NCK2: variants seen among roughly 807,000 people sequenced by gnomAD.
NCK2 encodes the protein cytoplasmic protein NCK2.
NCK2 carries 16 observed loss-of-function variants against 33.9 expected under a neutral mutation model. The observed-to-expected ratio is 0.47, with a 90% CI of 0.32 to 0.72. The LOEUF is 0.72. NCK2 is among the 30% of genes least tolerant of loss of function. The probability of loss-of-function intolerance (pLI) is 0.03; values close to 1 mark genes in which losing one functional copy is unlikely to be tolerated. For synonymous variants in NCK2, 273 were observed against 239.9 expected, an observed-to-expected ratio of 1.14 and a Z score of -1.27; for missense variants, 418 against 537.3, an observed-to-expected ratio of 0.78 and a Z score of 2.19.
In NCK2 at chr2:105,881,731, C is replaced by G. The variant is rs781387075; in HGVS notation, c.630C>G (p.Thr210=). 1 of 1,614,202 alleles carries G rather than the reference C, an allele frequency of 6.2e-7. No individual in the cohort carries two copies. Among genetic ancestry groups the G allele is most frequent in the East Asian group, 2.2e-5 (1 of 44,874 alleles). Residue 210 remains threonine, a synonymous_variant, in exon 4 of 5, where the codon ACC becomes ACG. Transcript: ENST00000233154. ...CGCTGTACCCCTTCAGCTCAGTCAC[C>G]GAGGAGGAGCTCAACTTCGAGAAGG... The part of the protein sequence containing the change: ...VQTLYPFSSV[T]EEELNFEKGE...
At chr2:105,759,206 A>T (rs908749972) in intron 1 of NCK2, among the ~76,000 whole-genome samples, 2 of 152,202 alleles carry the variant, frequency 1.3e-5, no homozygotes, top group Non-Finnish European at 2.9e-5. Flanking sequence ...ATTTGGTCTT[A>T]TTCAAGGGAG....
intron 1 of NCK2, among the ~76,000 whole-genome samples, chr2:105,808,144 C>T (rs1675155843): frequency 6.6e-6 from 1 of 152,142 alleles, no homozygotes; most frequent in African/African-American, 2.4e-5. Context: ...ATGATCCACC[C>T]ACCTTGGCCT....
At chr2:105,805,990 A>G (rs553907526) in intron 1 of NCK2, among the ~76,000 whole-genome samples, 6 of 152,080 alleles carry the variant, frequency 3.9e-5, no homozygotes, top group African/African-American at 1.4e-4. Flanking sequence ...CATAGCCTGC[A>G]GGTAATTTTA....
intron 1 of NCK2, among the ~76,000 whole-genome samples, chr2:105,752,789 C>A (rs1470236941): frequency 6.6e-6 from 1 of 152,122 alleles, no homozygotes; most frequent in African/African-American, 2.4e-5. Flanking sequence ...TTTTTTATGG[C>A]TGAATAGTCT....
At chr2:105,888,695 G>A (rs1678824911) in intron 4 of NCK2, among the ~76,000 whole-genome samples, 1 of 152,216 alleles carries the variant, frequency 6.6e-6, no homozygotes, top group African/African-American at 2.4e-5. Flanking sequence ...AGAAGCGATG[G>A]AGGGCAGCTT....
chr2:105,769,899 G>A (rs1690072995), intron 1 of NCK2, among the ~76,000 whole-genome samples: 1 of 152,092 alleles, frequency 6.6e-6, no homozygotes, highest in Non-Finnish European at 1.5e-5. Flanking sequence ...TTAATTTTTT[G>A]ACCTTCTGCT....
At chr2:105,851,595 C>T (rs1677071098) in intron 2 of NCK2, among the ~76,000 whole-genome samples, 1 of 152,232 alleles carries the variant, frequency 6.6e-6, no homozygotes, top group African/African-American at 2.4e-5. Flanking sequence ...AGTGTGGCTT[C>T]CAGTGCTCCA....
At chr2:105,886,809 G>A (rs1331082573) in intron 4 of NCK2, among the ~76,000 whole-genome samples, 7 of 152,234 alleles carry the variant, frequency 4.6e-5, no homozygotes, top group Non-Finnish European at 8.8e-5. Context: ...ATACTAACTG[G>A]AAAGTGGACA....
intron 3 of NCK2, among the ~76,000 whole-genome samples, chr2:105,879,942 C>A (rs1017652396): frequency 1.3e-5 from 2 of 152,136 alleles, no homozygotes; most frequent in African/African-American, 4.8e-5. Flanking sequence ...AGGTAGAGGT[C>A]GAAGCAGAGC....
chr2:105,810,707 T>C (rs752702780), intron 1 of NCK2, among the ~76,000 whole-genome samples: 1 of 152,206 alleles, frequency 6.6e-6, no homozygotes, highest in Non-Finnish European at 1.5e-5. Flanking sequence ...GAGAAACACC[T>C]GGGCAGACCT....
At chr2:105,842,080 TG>T (rs893044263) in intron 2 of NCK2, among the ~76,000 whole-genome samples, 10 of 151,574 alleles carry the variant, frequency 6.6e-5, no homozygotes, top group African/African-American at 2.2e-4. Context: ...ATAGTATTTG[TG>T]GGGGTTTTTT....
chr2:105,840,507 T>G (rs1483329309), intron 2 of NCK2, among the ~76,000 whole-genome samples: 4 of 152,240 alleles, frequency 2.6e-5, no homozygotes, highest in Admixed American at 6.5e-5. Flanking sequence ...CAGATGCCAC[T>G]GAAGGTCTGC....
chr2:105,841,092 T>C (rs1235953793), intron 2 of NCK2, among the ~76,000 whole-genome samples: 1 of 152,192 alleles, frequency 6.6e-6, no homozygotes, highest in East Asian at 1.9e-4. Context: ...CCAGACTCAT[T>C]TCTTCCACCT....
At chr2:105,836,869 A>C (rs1012436741) in intron 2 of NCK2, among the ~76,000 whole-genome samples, 4 of 152,176 alleles carry the variant, frequency 2.6e-5, no homozygotes, top group Admixed American at 2.6e-4. Context: ...GGACTCAGGG[A>C]GTAGGGGCTA....
At chr2:105,823,029 G>C (rs1675803513) in intron 2 of NCK2, among the ~76,000 whole-genome samples, 1 of 151,990 alleles carries the variant, frequency 6.6e-6, no homozygotes, top group Non-Finnish European at 1.5e-5. Context: ...AGGCCACACA[G>C]AGCTTGAAAT....
intron 1 of NCK2, among the ~76,000 whole-genome samples, chr2:105,790,333 G>C (rs568710802): frequency 1.3e-5 from 2 of 152,374 alleles, no homozygotes; most frequent in Admixed American, 6.5e-5. Context: ...TGCTGACTCA[G>C]AGTGGGAACA....
At chr2:105,887,696 C>G (rs1330787593) in intron 4 of NCK2, among the ~76,000 whole-genome samples, 1 of 152,196 alleles carries the variant, frequency 6.6e-6, no homozygotes, top group Non-Finnish European at 1.5e-5. Flanking sequence ...ATATTAAAGT[C>G]TGTCCTCGGC....
Position 105,881,574 on chromosome 2 carries a change from GC to G in NCK2, c.474del (p.Trp159GlyfsTer22). The part of the protein sequence containing the change: ...WWRGSYNGQI[G>X]WFPSNYVLEE... ...CGGGGCAGCTACAACGGGCAGATCG[GC>G]TGGTTCCCCTCCAACTACGTCTTGG... is the stretch of plus-strand genomic sequence containing the variant. On this transcript the variant is annotated frameshift_variant, in exon 4 of 5. Coordinates refer to ENST00000233154, the MANE Select transcript of NCK2 (RefSeq NM_003581.5). LOFTEE classifies it high-confidence loss of function. 1 of 1,613,858 alleles carries G rather than the reference GC, an allele frequency of 6.2e-7. No individual in the cohort carries two copies. The highest frequency in any genetic ancestry group is 8.5e-7 in the Non-Finnish European group (1 of 1,180,012).
chr2:105,844,260 G>C (rs1676764032), intron 2 of NCK2, among the ~76,000 whole-genome samples: 1 of 152,184 alleles, frequency 6.6e-6, no homozygotes, highest in African/African-American at 2.4e-5. Flanking sequence ...TAAATGTAGT[G>C]TGGGATCCTG....
Sources: allele counts gnomAD v4.1 joint callset (sites outside exome capture counted in the v4.1 genomes callset), GRCh38; gene constraint gnomAD v4.1.1; transcripts MANE v1.5; gene names NCBI Gene and HGNC (gene_info 2026-07-23, HGNC 2026-07-21).